Variants in TSHZ2 observed in about 807,000 individuals in gnomAD.
The protein encoded by TSHZ2 is teashirt zinc finger homeobox 2.
Under a neutral mutation model 74.4 loss-of-function variants are expected in TSHZ2, and 21 were observed. The ratio of observed to expected loss-of-function variants is 0.28; its 90% CI spans 0.20 to 0.41. The LOEUF (loss-of-function observed/expected upper bound fraction) is 0.41. Ranked by LOEUF, TSHZ2 falls within the 10% of genes least tolerant of loss-of-function variation. The pLI, the probability that TSHZ2 is intolerant of heterozygous loss-of-function variation, is 1.00. For missense variants in TSHZ2, 1,244 were observed against 1,293.5 expected, an observed-to-expected ratio of 0.96 and a Z score of 0.59; for synonymous variants, 540 against 515.3, an observed-to-expected ratio of 1.05 and a Z score of -0.65.
intron 2 of TSHZ2, among the ~76,000 whole-genome samples, chr20:53,379,918 G>A (rs1037015457): frequency 3.9e-5 from 6 of 152,052 alleles, no homozygotes; most frequent in South Asian, 2.1e-4. Context: ...AAAAATCACC[G>A]AAGCATCACA....
chr20:53,161,516 G>A (rs1024806732), intron 1 of TSHZ2, among the ~76,000 whole-genome samples: 1 of 152,230 alleles, frequency 6.6e-6, no homozygotes, highest in Non-Finnish European at 1.5e-5. Flanking sequence ...TTGACTCACA[G>A]TTCTGCATGG....
intron 2 of TSHZ2, among the ~76,000 whole-genome samples, chr20:53,344,491 G>A (rs538071286): frequency 6.6e-6 from 1 of 152,070 alleles, no homozygotes; most frequent in South Asian, 2.1e-4. Flanking sequence ...AAGATTTTTG[G>A]ATAAAAACTG....
At chr20:53,080,172 A>G (rs2747397) in intron 1 of TSHZ2, among the ~76,000 whole-genome samples, 2,793 of 152,302 alleles carry the variant, frequency 0.018, 43 homozygotes, top group Non-Finnish European at 0.028. Context: ...TGTGTTTCCC[A>G]TTAATTCTTA....
intron 1 of TSHZ2, among the ~76,000 whole-genome samples, chr20:53,092,491 C>T (rs1460439609): frequency 1.3e-5 from 2 of 152,162 alleles, no homozygotes; most frequent in Non-Finnish European, 2.9e-5. Flanking sequence ...CTAACAAACA[C>T]GGCATTACTT....
At chr20:53,259,422 G>T (rs1990555278) in intron 2 of TSHZ2, among the ~76,000 whole-genome samples, 1 of 152,122 alleles carries the variant, frequency 6.6e-6, no homozygotes, top group South Asian at 2.1e-4. Flanking sequence ...TCTATTTTAG[G>T]TCATAAGTAA....
chr20:52,973,367 G>A (rs980033417), intron 1 of TSHZ2, 34 bp downstream of exon 1: 13 of 1,549,288 alleles, frequency 8.4e-6, no homozygotes, highest in Admixed American at 7.9e-5. Context: ...GGGCTGCCCT[G>A]TGCGCCGAGC....
intron 1 of TSHZ2, among the ~76,000 whole-genome samples, chr20:53,143,123 A>G (rs1429278896): frequency 6.6e-6 from 1 of 152,242 alleles, no homozygotes; most frequent in Non-Finnish European, 1.5e-5. Context: ...ATTCGAATTG[A>G]AAACACATCT....
At chr20:53,249,489 T>C (rs1171790811) in intron 1 of TSHZ2, among the ~76,000 whole-genome samples, 1 of 152,134 alleles carries the variant, frequency 6.6e-6, no homozygotes, top group African/African-American at 2.4e-5. Context: ...CTCCAGGGAT[T>C]TCAGGCAGTA....
intron 2 of TSHZ2, among the ~76,000 whole-genome samples, chr20:53,346,486 G>A (rs1396441173): frequency 6.6e-6 from 1 of 152,130 alleles, no homozygotes; most frequent in East Asian, 1.9e-4. Context: ...TGACATCTGT[G>A]CGTGGGTTTG....
chr20:53,212,578 G>A (rs1430621997), intron 1 of TSHZ2, among the ~76,000 whole-genome samples: 2 of 152,286 alleles, frequency 1.3e-5, no homozygotes, highest in African/African-American at 4.8e-5. Context: ...AATCAGGACT[G>A]CTTTCATTCA....
intron 1 of TSHZ2, among the ~76,000 whole-genome samples, chr20:53,024,604 A>C (rs997794142): frequency 6.6e-6 from 1 of 151,938 alleles, no homozygotes; most frequent in Admixed American, 6.6e-5. Context: ...CCATCAACCC[A>C]TCATTTACAT....
intron 2 of TSHZ2, among the ~76,000 whole-genome samples, chr20:53,339,548 A>G (rs1980095477): frequency 6.6e-6 from 1 of 152,188 alleles, no homozygotes; most frequent in African/African-American, 2.4e-5. Flanking sequence ...CATGATTTTC[A>G]GGGCCCAGTA....
intron 2 of TSHZ2, among the ~76,000 whole-genome samples, chr20:53,443,400 T>A (rs1984416520): frequency 6.6e-6 from 1 of 152,222 alleles, no homozygotes; most frequent in African/African-American, 2.4e-5. Flanking sequence ...TGGGACAGTT[T>A]AGACTGCATC....
At chr20:53,145,279 A>G (rs542043260) in intron 1 of TSHZ2, among the ~76,000 whole-genome samples, 3 of 152,274 alleles carry the variant, frequency 2.0e-5, no homozygotes, top group South Asian at 2.1e-4. Flanking sequence ...TTGGAGGAGG[A>G]CCAGGGCCTG....
intron 1 of TSHZ2, among the ~76,000 whole-genome samples, chr20:52,973,832 G>A (rs944267381): frequency 4.6e-5 from 7 of 152,098 alleles, no homozygotes; most frequent in Admixed American, 2.6e-4. Flanking sequence ...GTTTAGCGTT[G>A]ATCACCAAGG....
chr20:53,079,823 G>GT (rs11086412), intron 1 of TSHZ2, among the ~76,000 whole-genome samples: 11,893 of 149,694 alleles, frequency 0.079, 1,110 homozygotes, highest in African/African-American at 0.23. Flanking sequence ...TTCTTTTTCT[G>GT]TTTTTTTTTT....
chr20:53,449,810 A>G (rs1270408650), intron 2 of TSHZ2, among the ~76,000 whole-genome samples: 1 of 152,166 alleles, frequency 6.6e-6, no homozygotes, highest in Non-Finnish European at 1.5e-5. Flanking sequence ...GAGTGTCCCA[A>G]TGCTATTATT....
In TSHZ2 at chr20:53,417,257, CACA is replaced by C. The variant is rs1380297268; in HGVS notation, c.*9-69886_*9-69884del. Among the ~76,000 whole-genome samples, 252 of 151,266 alleles carry C rather than the reference CACA, an allele frequency of 1.7e-3. 1 individual carries two copies. The highest frequency in any genetic ancestry group is 6.8e-3 in the Middle Eastern group (2 of 294). On this transcript the variant is annotated intron_variant, in intron 2 of 2. Coordinates refer to ENST00000371497, the MANE Select transcript of TSHZ2 (RefSeq NM_173485.6). ...ACACACACAGACACACACACACACACACACACACACACACACACACACCATAGT... is the reference window on the plus strand; with the variant it reads ...ACACACACAGACACACACACACACACCACACACACACACACACACCATAGT...
chr20:53,040,464 A>C (rs1024315852), intron 1 of TSHZ2, among the ~76,000 whole-genome samples: 1 of 152,160 alleles, frequency 6.6e-6, no homozygotes, highest in African/African-American at 2.4e-5. Flanking sequence ...GTTTTGAGCC[A>C]AGGGGTGGCA....
Sources: allele counts gnomAD v4.1 joint callset (sites outside exome capture counted in the v4.1 genomes callset), GRCh38; gene constraint gnomAD v4.1.1; transcripts MANE v1.5; gene names NCBI Gene and HGNC (gene_info 2026-07-23, HGNC 2026-07-21).